Variants in E2F5 observed in about 807,000 individuals in gnomAD.
E2F5 encodes the protein transcription factor E2F5.
Under a neutral mutation model 39.1 loss-of-function variants are expected in E2F5, and 23 were observed. That is an observed-to-expected ratio of 0.59 (90% CI 0.42 to 0.83). The LOEUF (loss-of-function observed/expected upper bound fraction) is 0.83, where lower values mean the gene tolerates loss of function less well. E2F5 is among the 40% of genes least tolerant of loss of function. E2F5 has a pLI of 0.00. For missense variants in E2F5, 365 were observed against 406.7 expected (o/e 0.90, Z 0.88); for synonymous variants, 145 against 157.8 (o/e 0.92, Z 0.61).
At position 85,214,317 on chromosome 8, in the gene E2F5, G is replaced by A. The variant is rs1460095745; in HGVS notation, c.*455G>A. On this transcript the variant is annotated 3_prime_UTR_variant, in exon 8 of 8. Transcript: ENST00000416274. ...CACTTGTAAAGTGAAGGATGTAAAC[G>A]AGGATATATAACTGTTTCAGTGAAC... The A allele has an allele frequency of 6.8e-6, 4 of 592,026 alleles. No homozygotes were observed. Among genetic ancestry groups the A allele is most frequent in the Non-Finnish European group, 1.2e-5 (4 of 329,222 alleles). 36.7% of individuals were successfully genotyped at this position (592,026 alleles called of 1,614,324 possible).
intron 1 of E2F5, among the ~76,000 whole-genome samples, chr8:85,194,533 C>CTTTTTTTTTTTTTT (rs753685580): frequency 7.8e-6 from 1 of 128,002 alleles, no homozygotes; most frequent in Non-Finnish European, 1.7e-5. Flanking sequence ...GTTTGTTTCT[C>CTTTTTTTTTTTTTT]TTTTTTTTTT....
intron 1 of E2F5, among the ~76,000 whole-genome samples, chr8:85,181,122 G>T (rs1812203970): frequency 6.6e-6 from 1 of 151,700 alleles, no homozygotes; most frequent in African/African-American, 2.4e-5. Flanking sequence ...AAAGCTATCT[G>T]CCTACCTTGG....
At chr8:85,198,024 C>T (rs1047776141) in intron 1 of E2F5, among the ~76,000 whole-genome samples, 2 of 152,272 alleles carry the variant, frequency 1.3e-5, no homozygotes, top group East Asian at 1.9e-4. Flanking sequence ...CCATTAATAG[C>T]TCCTTTCCTT....
intron 7 of E2F5, 88 bp downstream of exon 7, chr8:85,212,292 TA>T (rs1366793231): frequency 9.1e-6 from 9 of 991,078 alleles, no homozygotes; most frequent in East Asian, 7.5e-5. Flanking sequence ...GAAATGAACA[TA>T]TATTTGCTAC....
chr8:85,180,436 G>A (rs186670129), intron 1 of E2F5, among the ~76,000 whole-genome samples: 16 of 147,654 alleles, frequency 1.1e-4, no homozygotes, highest in African/African-American at 4.0e-4. Context: ...CTTTGGTGGG[G>A]GCATATTTCA....
chr8:85,190,839 G>A (rs942421664), intron 1 of E2F5, among the ~76,000 whole-genome samples: 3 of 152,050 alleles, frequency 2.0e-5, no homozygotes, highest in African/African-American at 4.8e-5. Context: ...ATCTGGCTGT[G>A]CCTGTTGTAA....
chr8:85,205,686 T>C (rs1812789445), intron 3 of E2F5, among the ~76,000 whole-genome samples: 1 of 152,346 alleles, frequency 6.6e-6, no homozygotes, highest in East Asian at 1.9e-4. Context: ...GTCTTAACCA[T>C]GTGGCCCTGA....
chr8:85,181,058 A>G (rs1193499346), intron 1 of E2F5, among the ~76,000 whole-genome samples: 1 of 151,604 alleles, frequency 6.6e-6, no homozygotes. Context: ...TTATATTTTT[A>G]GTAGAGACAG....
chr8:85,179,026 T>C (rs1587477654), intron 1 of E2F5, among the ~76,000 whole-genome samples: 1 of 152,344 alleles, frequency 6.6e-6, no homozygotes, highest in Middle Eastern at 3.4e-3. Flanking sequence ...CCTTGTTCTC[T>C]TTTTTCCACC....
chr8:85,204,456 A>G (rs1812759300), intron 3 of E2F5, among the ~76,000 whole-genome samples: 2 of 145,646 alleles, frequency 1.4e-5, no homozygotes, highest in East Asian at 2.1e-4. Flanking sequence ...AAAACCAAAC[A>G]CCTCATGTTC....
At chr8:85,201,201 G>A (rs759839425) in intron 1 of E2F5, among the ~76,000 whole-genome samples, 2 of 152,202 alleles carry the variant, frequency 1.3e-5, no homozygotes, top group African/African-American at 2.4e-5. Context: ...CTCTCTGGGA[G>A]AGCTGTTAGC....
intron 7 of E2F5, 21 bp downstream of exon 7, chr8:85,212,225 C>G (rs1437902640): frequency 6.4e-7 from 1 of 1,555,040 alleles, no homozygotes; most frequent in South Asian, 1.1e-5. Context: ...TAAAATTTTA[C>G]TAACTCACTT....
At chr8:85,190,652 C>T (rs1206192052) in intron 1 of E2F5, among the ~76,000 whole-genome samples, 4 of 151,544 alleles carry the variant, frequency 2.6e-5, no homozygotes, top group African/African-American at 4.9e-5. Flanking sequence ...TAAAGATGCC[C>T]ACCACCATGC....
intron 1 of E2F5, among the ~76,000 whole-genome samples, chr8:85,201,427 T>C (rs555891037): frequency 6.6e-6 from 1 of 152,340 alleles, no homozygotes; most frequent in Non-Finnish European, 1.5e-5. Context: ...GGAACACACA[T>C]CAAAAATGTG....
chr8:85,186,230 A>G (rs1409707500), intron 1 of E2F5, among the ~76,000 whole-genome samples: 1 of 152,098 alleles, frequency 6.6e-6, no homozygotes, highest in Non-Finnish European at 1.5e-5. Context: ...GAAGCTGGAA[A>G]CCATCATTCT....
intron 1 of E2F5, chr8:85,201,895 A>AT (rs1436746882): frequency 2.1e-6 from 1 of 482,912 alleles, no homozygotes; most frequent in African/African-American, 2.0e-5. Context: ...GTGTTCTTTT[A>AT]TTTTTGCAGG....
At chr8:85,200,237 ACT>A (rs778908087) in intron 1 of E2F5, 383 of 863,206 alleles carry the variant, frequency 4.4e-4, no homozygotes, top group Admixed American at 8.2e-4. Context: ...AGAGAGGGAG[ACT>A]CTGTCTCAAA....
rs532391085 is a variant in E2F5, at chr8:85,211,653, T to C, written c.884-504T>C. On this transcript the variant is annotated intron_variant, in intron 6 of 7. Coordinates refer to ENST00000416274, the MANE Select transcript of E2F5 (RefSeq NM_001951.4). ...ATGAGGTTTGTTGTTGTTTTTTTTT[T>C]TTTTTTTTTTTTTTTTTTGGCAGGG... Among the ~76,000 whole-genome samples the C allele has an allele frequency of 2.2e-5, 3 of 136,790 alleles. No individual in the cohort carries two copies. In the South Asian group the frequency reaches 7.7e-4, roughly 35 times the overall value. 89.7% of individuals were successfully genotyped at this position (136,790 alleles called of 152,430 possible).
chr8:85,180,475 T>C (rs527505232), intron 1 of E2F5, among the ~76,000 whole-genome samples: 2 of 145,576 alleles, frequency 1.4e-5, no homozygotes, highest in South Asian at 2.2e-4. Context: ...TTTTAAGTTA[T>C]ACACTTGACT....
Sources: gnomAD v4.1 joint callset for allele counts (sites outside exome capture counted in the v4.1 genomes callset) on GRCh38, gnomAD v4.1.1 for gene constraint, MANE v1.5 for transcripts, NCBI Gene and HGNC (gene_info 2026-07-23, HGNC 2026-07-21) for gene names.